Variants in NSG2 observed in about 807,000 individuals in gnomAD.
NSG2 encodes neuronal vesicle trafficking associated 2.
NSG2 carries 4 observed loss-of-function variants against 16.9 expected under a neutral mutation model. The ratio of observed to expected loss-of-function variants is 0.24; its 90% CI spans 0.12 to 0.54. The LOEUF is 0.54. Ranked by LOEUF, NSG2 falls within the 20% of genes least tolerant of loss-of-function variation. The pLI, the probability that NSG2 is intolerant of heterozygous loss-of-function variation, is 0.95. For synonymous variants in NSG2, 98 were observed against 88.7 expected, an observed-to-expected ratio of 1.11 and a Z score of -0.59; for missense variants, 179 against 221.1, an observed-to-expected ratio of 0.81 and a Z score of 1.21.
intron 3 of NSG2, among the ~76,000 whole-genome samples, chr5:174,075,454 A>C (rs1273680704): frequency 6.6e-6 from 1 of 152,244 alleles, no homozygotes; most frequent in Non-Finnish European, 1.5e-5. Flanking sequence ...TTGCAAGAAT[A>C]CTAAAACTTT....
chr5:174,051,997 A>T (rs774127274), intron 2 of NSG2, among the ~76,000 whole-genome samples: 1 of 151,904 alleles, frequency 6.6e-6, no homozygotes, highest in East Asian at 1.9e-4. Context: ...TTTTTTTCAA[A>T]AGGTATTTAA....
At chr5:174,057,359 A>C (rs1759981343) in intron 2 of NSG2, among the ~76,000 whole-genome samples, 2 of 152,138 alleles carry the variant, frequency 1.3e-5, no homozygotes, top group South Asian at 4.1e-4. Context: ...TGATTCCTCC[A>C]AGGTACAATT....
rs557695305 is a variant in NSG2 at position 174,064,142 on chromosome 5, T to C, written c.130-90T>C. ...GTTCTTTATTTTTTTGATCTTTATGTCATGTGTAATAAATTCTGGTTACTG... is the reference window on the plus strand; with the variant it reads ...GTTCTTTATTTTTTTGATCTTTATGCCATGTGTAATAAATTCTGGTTACTG... On this transcript the variant is annotated intron_variant, in intron 2 of 4. Coordinates refer to ENST00000303177, the MANE Select transcript of NSG2 (RefSeq NM_015980.5). 5 of 839,364 alleles carry C rather than the reference T, an allele frequency of 6.0e-6. No homozygotes were observed. In the African/African-American group the frequency reaches 6.8e-5, roughly 11 times the overall value. The allele number at this position is 839,364 out of a possible 1,614,324, so 52.0% of individuals were successfully genotyped here.
At chr5:174,082,009 C>G (rs1268588320) in intron 3 of NSG2, among the ~76,000 whole-genome samples, 1 of 151,794 alleles carries the variant, frequency 6.6e-6, no homozygotes, top group African/African-American at 2.4e-5. Context: ...ACAGAATTAA[C>G]CCACAAAATC....
At chr5:174,096,261 G>A (rs1242607713) in intron 3 of NSG2, among the ~76,000 whole-genome samples, 3 of 152,220 alleles carry the variant, frequency 2.0e-5, no homozygotes, top group African/African-American at 7.2e-5. Flanking sequence ...TAGGAGAAGT[G>A]TCTTGAAGAG....
intron 3 of NSG2, among the ~76,000 whole-genome samples, chr5:174,082,061 T>C (rs1357340127): frequency 6.6e-6 from 1 of 152,202 alleles, no homozygotes; most frequent in African/African-American, 2.4e-5. Flanking sequence ...TCAGTAAATA[T>C]GTGAAGAATT....
chr5:174,078,803 G>A (rs1271940802), intron 3 of NSG2, among the ~76,000 whole-genome samples: 5 of 152,084 alleles, frequency 3.3e-5, no homozygotes, highest in Admixed American at 2.0e-4. Flanking sequence ...CAGAAAGTGG[G>A]CCCATCCCAG....
rs1399651028 is a variant in NSG2 at position 174,109,155 on chromosome 5, CAAAT to C, written c.*1654_*1657del. The C allele has an allele frequency of 2.0e-5, 3 of 152,720 alleles. No homozygotes were observed. The highest frequency in any genetic ancestry group is 7.2e-5 in the African/African-American group (3 of 41,422). 9.5% of individuals were successfully genotyped at this position (152,720 alleles called of 1,614,324 possible). ...ATTCTTGAAATTTTCTGACAGGAAA[CAAAT>C]AAAGATAGATGTGTCTGAGAGTCTT... On this transcript the variant is annotated 3_prime_UTR_variant, in exon 5 of 5. Transcript: ENST00000303177.
At chr5:174,085,039 T>C (rs1185603436) in intron 3 of NSG2, among the ~76,000 whole-genome samples, 2 of 152,136 alleles carry the variant, frequency 1.3e-5, no homozygotes, top group Non-Finnish European at 2.9e-5. Flanking sequence ...CATGGGAAAG[T>C]TAATTAAGGC....
intron 3 of NSG2, among the ~76,000 whole-genome samples, chr5:174,102,759 TTTA>T (rs1760918766): frequency 8.3e-6 from 1 of 120,640 alleles, no homozygotes; most frequent in Admixed American, 8.2e-5. Context: ...GTTTTTTTTA[TTTA>T]TTTATTTATT....
chr5:174,056,066 G>A (rs574148880), intron 2 of NSG2: 1 of 152,342 alleles, frequency 6.6e-6, no homozygotes, highest in South Asian at 2.1e-4. Context: ...TCTCTCTTTA[G>A]AAATAGGATT....
At chr5:174,098,949 C>T (rs555330044) in intron 3 of NSG2, among the ~76,000 whole-genome samples, 3 of 152,280 alleles carry the variant, frequency 2.0e-5, no homozygotes, top group South Asian at 2.1e-4. Context: ...GGCTTTAGAA[C>T]GTCTCTGAGG....
At chr5:174,069,356 A>G (rs1371895655) in intron 3 of NSG2, among the ~76,000 whole-genome samples, 1 of 152,142 alleles carries the variant, frequency 6.6e-6, no homozygotes, top group Admixed American at 6.5e-5. Context: ...GGTTGTTTCC[A>G]GGTTCGTCTG....
chr5:174,097,833 T>G (rs73326845), intron 3 of NSG2, among the ~76,000 whole-genome samples: 17,393 of 145,354 alleles, frequency 0.12, 1,329 homozygotes, highest in African/African-American at 0.22. Context: ...GTGTGTCTCT[T>G]TGTGTGTGTC....
At chr5:174,068,336 G>C (rs762053207) in intron 3 of NSG2, among the ~76,000 whole-genome samples, 8 of 152,188 alleles carry the variant, frequency 5.3e-5, no homozygotes, top group Admixed American at 6.5e-5. Context: ...TGAAACTAAG[G>C]AGGCCCTGCA....
chr5:174,083,024 G>T (rs1760513464), intron 3 of NSG2, among the ~76,000 whole-genome samples: 1 of 152,150 alleles, frequency 6.6e-6, no homozygotes, highest in Non-Finnish European at 1.5e-5. Context: ...TACCATCCAA[G>T]ACTTGTCTTT....
At chr5:174,076,270 A>G (rs947419264) in intron 3 of NSG2, among the ~76,000 whole-genome samples, 2 of 152,110 alleles carry the variant, frequency 1.3e-5, no homozygotes, top group Non-Finnish European at 2.9e-5. Flanking sequence ...AACTTCTTTC[A>G]CTGGGAGCAA....
At chr5:174,100,194 C>T (rs1283117993) in intron 3 of NSG2, among the ~76,000 whole-genome samples, 1 of 152,218 alleles carries the variant, frequency 6.6e-6, no homozygotes, top group Admixed American at 6.5e-5. Flanking sequence ...AGCAACCAGT[C>T]AGCATTAGAC....
rs542270066 is a variant in NSG2, at chr5:174,059,690, G to A, written c.130-4542G>A. 1.2e-4 allele frequency among the ~76,000 whole-genome samples: 19 copies of A among 152,054 alleles called. No homozygotes were observed. In the South Asian group the frequency reaches 1.5e-3, roughly 12 times the overall value. On this transcript the variant is annotated intron_variant, in intron 2 of 4. Coordinates refer to ENST00000303177, the MANE Select transcript of NSG2 (RefSeq NM_015980.5). ...CTAACTTCAGGCAAGGTGCAATCCC[G>A]GGGTAGGATGTCATCTGGACCCAGC...
Sources: allele counts gnomAD v4.1 joint callset (sites outside exome capture counted in the v4.1 genomes callset), GRCh38; gene constraint gnomAD v4.1.1; transcripts MANE v1.5; gene names NCBI Gene and HGNC (gene_info 2026-07-23, HGNC 2026-07-21).